Variants in RSPH3 observed in about 807,000 individuals in gnomAD.
RSPH3 encodes the protein radial spoke head protein 3 homolog.
Under a neutral mutation model 43.8 loss-of-function variants are expected in RSPH3, and 21 were observed. That is an observed-to-expected ratio of 0.48 (90% CI 0.34 to 0.69). The LOEUF (loss-of-function observed/expected upper bound fraction) is 0.69, where lower values mean the gene tolerates loss of function less well. Ranked by LOEUF, RSPH3 falls within the 30% of genes least tolerant of loss-of-function variation. The probability of loss-of-function intolerance (pLI) is 0.01; values close to 1 mark genes in which losing one functional copy is unlikely to be tolerated. For synonymous variants in RSPH3, 173 were observed against 179.8 expected, an observed-to-expected ratio of 0.96 and a Z score of 0.30; for missense variants, 487 against 516.0, an observed-to-expected ratio of 0.94 and a Z score of 0.54.
At position 158,977,482 on chromosome 6, in the gene RSPH3, C is replaced by A; in HGVS notation, c.*56G>T. On this transcript the variant is annotated 3_prime_UTR_variant, in exon 8 of 8. Coordinates refer to ENST00000367069, the MANE Select transcript of RSPH3 (RefSeq NM_031924.8). ...ACCTGAGGGGACTCGCACATCATTA[C>A]CTGATTGCTTGCTGACTTGGCTGTT... The A allele has an allele frequency of 6.7e-7, 1 of 1,481,522 alleles. No homozygotes were observed. The highest frequency in any genetic ancestry group is 9.1e-7 in the Non-Finnish European group (1 of 1,097,304). 91.8% of individuals were successfully genotyped at this position (1,481,522 alleles called of 1,614,324 possible). A position where few individuals can be genotyped will look rare whatever the true frequency, so the allele number is the denominator to read the frequency against.
chr6:158,995,746 C>T (rs1319368518), intron 1 of RSPH3, among the ~76,000 whole-genome samples: 1 of 151,556 alleles, frequency 6.6e-6, no homozygotes. Flanking sequence ...AGGCGCCCGC[C>T]ACCACGCCCG....
At chr6:158,966,353 G>T in the RSPH3 span, among the ~76,000 whole-genome samples, 2,709 of 152,266 alleles carry the variant, frequency 0.018, 34 homozygotes, top group Middle Eastern at 0.024. Flanking sequence ...ACAGAATGAG[G>T]TGGGAACTGT....
chr6:158,974,041 G>C lies in RSPH3; in HGVS notation c.*3497C>G, dbSNP rs1403278210. 1 of 152,100 alleles carries C rather than the reference G, an allele frequency of 6.6e-6. No homozygotes were observed. Among genetic ancestry groups the C allele is most frequent in the Non-Finnish European group, 1.5e-5 (1 of 68,022 alleles). 9.4% of individuals were successfully genotyped at this position (152,100 alleles called of 1,614,324 possible). ...AGGATGGCCTCGATCTCCTGACCTC[G>C]TGATCTGCCTGCCTTGGCCTCCCAA... On this transcript the variant is annotated 3_prime_UTR_variant, in exon 8 of 8. Transcript: ENST00000367069.
chr6:158,983,259 T>A (rs994976659), intron 4 of RSPH3, among the ~76,000 whole-genome samples: 11 of 151,632 alleles, frequency 7.3e-5, no homozygotes, highest in African/African-American at 2.2e-4. Flanking sequence ...TTATTAAAAT[T>A]TTTTTTTTAA....
downstream of RSPH3, among the ~76,000 whole-genome samples, chr6:158,967,962 T>C (rs1777648317): frequency 6.6e-6 from 1 of 152,216 alleles, no homozygotes; most frequent in African/African-American, 2.4e-5. Flanking sequence ...ATTTGTGTCT[T>C]TGAATCTAAA....
chr6:158,995,136 A>G (rs1002909555), intron 1 of RSPH3, among the ~76,000 whole-genome samples: 1 of 152,062 alleles, frequency 6.6e-6, no homozygotes, highest in African/African-American at 2.4e-5. Context: ...TCAAGACCTC[A>G]ATTATAATCC....
At chr6:158,971,651 T>C (rs75757549), downstream of RSPH3, among the ~76,000 whole-genome samples, 483 of 152,316 alleles carry the variant, frequency 3.2e-3, 1 homozygote, top group African/African-American at 0.011. Flanking sequence ...GGGTCAATAA[T>C]GAAATAGCCT....
Position 158,977,751 on chromosome 6 carries a change from A to G in RSPH3, c.1044T>C (p.Pro348=). 6.2e-7 allele frequency: 1 copy of G among 1,614,160 alleles called. No homozygotes were observed. Among genetic ancestry groups the G allele is most frequent in the Non-Finnish European group, 8.5e-7 (1 of 1,180,008 alleles). Residue 348 remains proline, a synonymous_variant, in exon 8 of 8, where the codon CCT becomes CCC. Coordinates refer to ENST00000367069, the MANE Select transcript of RSPH3 (RefSeq NM_031924.8). Reference sequence around the variant, plus strand: ...CCTCCAGTGACTCTGTCATTGCTCCAGGACCACCAGGCTCATCCTCGGGTT... The same window carrying G: ...CCTCCAGTGACTCTGTCATTGCTCCGGGACCACCAGGCTCATCCTCGGGTT... ...SPEPEDEPGG[P]GAMTESLEAS...
chr6:158,978,133 T>G (rs1452050983), intron 7 of RSPH3, 127 bp downstream of exon 7: 4 of 680,536 alleles, frequency 5.9e-6, no homozygotes, highest in Non-Finnish European at 5.0e-6. Context: ...ATTTGCACTT[T>G]TATTAATACA....
intron 1 of RSPH3, among the ~76,000 whole-genome samples, chr6:158,996,724 T>G (rs1228201129): frequency 6.6e-6 from 1 of 152,220 alleles, no homozygotes; most frequent in Non-Finnish European, 1.5e-5. Context: ...CATTCTAGGA[T>G]AGAGACAGAT....
the RSPH3 span, among the ~76,000 whole-genome samples, chr6:158,966,989 G>A: frequency 6.6e-6 from 1 of 151,352 alleles, no homozygotes; most frequent in East Asian, 1.9e-4. Context: ...TGCTTTAGAT[G>A]CATCCATAAG....
rs1294908039 is a variant in RSPH3, at chr6:158,999,488, C to T, written c.63G>A (p.Arg21=). 8 of 1,532,340 alleles carry T rather than the reference C, an allele frequency of 5.2e-6. No homozygotes were observed. Among genetic ancestry groups the T allele is most frequent in the Non-Finnish European group, 7.0e-6 (8 of 1,139,058 alleles). 94.9% of individuals were successfully genotyped at this position (1,532,340 alleles called of 1,614,324 possible). ...TGCGCTGGCAGGGCAGTGCTCGGGG[C>T]CGGCTGGTGTAGGTGTAGGTGCTCG... The part of the protein sequence containing the change: ...RAPSTYTYTS[R]PRALPCQRSR... Residue 21 remains arginine (R), a synonymous_variant, in exon 1 of 8, where the codon CGG becomes CGA. Coordinates refer to ENST00000367069, the MANE Select transcript of RSPH3 (RefSeq NM_031924.8).
intron 2 of RSPH3, among the ~76,000 whole-genome samples, chr6:158,990,979 A>G (rs1442486034): frequency 6.7e-6 from 1 of 148,850 alleles, no homozygotes; most frequent in Non-Finnish European, 1.5e-5. Flanking sequence ...ACTGTTTCCT[A>G]TGCCATTTCC....
intron 1 of RSPH3, among the ~76,000 whole-genome samples, chr6:158,997,423 C>T (rs1223522669): frequency 1.3e-5 from 2 of 151,948 alleles, no homozygotes; most frequent in African/African-American, 4.8e-5. Flanking sequence ...AGGTACATGC[C>T]ACCATGCCCG....
rs1418931254 is a variant in RSPH3, at chr6:158,976,517, A to C, written c.*1021T>G. 6.6e-6 allele frequency: 1 copy of C among 152,220 alleles called. No homozygotes were observed. Among genetic ancestry groups the C allele is most frequent in the South Asian group, 2.1e-4 (1 of 4,834 alleles). 9.4% of individuals were successfully genotyped at this position (152,220 alleles called of 1,614,324 possible). Reference sequence around the variant, plus strand: ...ATTTATATAAAGAAAATCAAGCTATATATTTCTAGATTTTCAAATACATTT... The same window carrying C: ...ATTTATATAAAGAAAATCAAGCTATCTATTTCTAGATTTTCAAATACATTT... On this transcript the variant is annotated 3_prime_UTR_variant, in exon 8 of 8. Coordinates refer to ENST00000367069, the MANE Select transcript of RSPH3 (RefSeq NM_031924.8).
At chr6:158,984,447 T>TAC (rs1303299304) in intron 3 of RSPH3, among the ~76,000 whole-genome samples, 6 of 116,036 alleles carry the variant, frequency 5.2e-5, no homozygotes, top group African/African-American at 1.6e-4. Context: ...TATATATATA[T>TAC]ATATATATAT....
At chr6:158,970,447 A>G (rs952976169), downstream of RSPH3, among the ~76,000 whole-genome samples, 2 of 152,180 alleles carry the variant, frequency 1.3e-5, no homozygotes, top group Non-Finnish European at 2.9e-5. Flanking sequence ...AAGGTCAGTC[A>G]GAAGTGAGTG....
In RSPH3 at chr6:158,980,844, C is replaced by G. The variant is rs750532376; in HGVS notation, c.789G>C (p.Leu263=). 6.2e-7 allele frequency: 1 copy of G among 1,614,014 alleles called. No individual in the cohort carries two copies. The highest frequency in any genetic ancestry group is 1.3e-5 in the African/African-American group (1 of 74,924). Residue 263 remains leucine, a synonymous_variant, in exon 6 of 8, where the codon CTG becomes CTC. Coordinates refer to ENST00000367069, the MANE Select transcript of RSPH3 (RefSeq NM_031924.8). ...IAARAFAQRY[L]ADLLPSVFGS... ...CAAAAACAGACGGGAGAAGGTCAGC[C>G]AGGTAACGCTGTGCAAATGCTCGGG...
the RSPH3 span, among the ~76,000 whole-genome samples, chr6:158,966,965 T>A: frequency 6.6e-6 from 1 of 152,210 alleles, no homozygotes; most frequent in East Asian, 1.9e-4. Context: ...AGTTATAAAT[T>A]TCTGTCTAAG....
Sources: gnomAD v4.1 joint callset for allele counts (sites outside exome capture counted in the v4.1 genomes callset) on GRCh38, gnomAD v4.1.1 for gene constraint, MANE v1.5 for transcripts, NCBI Gene and HGNC (gene_info 2026-07-23, HGNC 2026-07-21) for gene names.